ZNF395: variants seen among roughly 807,000 people sequenced by gnomAD.
The protein encoded by ZNF395 is zinc finger protein 395.
ZNF395 carries 20 observed loss-of-function variants against 57.7 expected under a neutral mutation model. The observed-to-expected ratio is 0.35, with a 90% CI of 0.24 to 0.50. ZNF395 has a LOEUF of 0.50. ZNF395 is among the 20% of genes least tolerant of loss of function. The pLI is 0.97. For missense variants in ZNF395, 606 were observed against 671.2 expected (o/e 0.90, Z 1.07); for synonymous variants, 295 against 275.9 (o/e 1.07, Z -0.69).
chr8:28,356,542 C>T lies in ZNF395; in HGVS notation c.583+128G>A. 1 of 633,194 alleles carries T rather than the reference C, an allele frequency of 1.6e-6. No homozygotes were observed. The highest frequency in any genetic ancestry group is 2.9e-5 in the East Asian group (1 of 34,770). 39.2% of individuals were successfully genotyped at this position (633,194 alleles called of 1,614,324 possible). On this transcript the variant is annotated intron_variant, in intron 4 of 9. Transcript: ENST00000344423. The surrounding 1 kb of genome is among the most constrained non-coding windows in gnomAD (Gnocchi z 4.0). ...CATGGCATGCAGCCGGTCAGAGGTG[C>T]CAGTGGGAGGTGTCCCTGGACATTC...
intron 1 of ZNF395, chr8:28,375,497 G>C (rs550526902): frequency 1.3e-5 from 2 of 152,318 alleles, no homozygotes; most frequent in Admixed American, 1.3e-4. Flanking sequence ...GTTGGGGGTG[G>C]GGCTTATCTG....
Position 28,351,652 on chromosome 8 carries a change from A to C in ZNF395, c.1076T>G (p.Met359Arg), listed in dbSNP as rs76040920. ...PTSEPAPTPS[M>R]TGLPLSALPP... Reference sequence around the variant, plus strand: ...AAGAGCAGACAGAGGCAGGCCAGTCATGCTGGGGGTGGGAGCTGGCTCGGA... The same window carrying C: ...AAGAGCAGACAGAGGCAGGCCAGTCCTGCTGGGGGTGGGAGCTGGCTCGGA... The change falls in exon 7 of 10, where the codon ATG becomes AGG. Residue 359 changes from methionine to arginine, a missense_variant. This residue lies in a region of ZNF395 where 261 missense variants were observed against 240.3 expected (regional missense o/e 1.09). Coordinates refer to ENST00000344423, the MANE Select transcript of ZNF395 (RefSeq NM_018660.3). The C allele has an allele frequency of 2.8e-5, 45 of 1,613,286 alleles. No homozygotes were observed. The African/African-American group carries it at 5.3e-4, about 19-fold the overall frequency.
intron 1 of ZNF395, among the ~76,000 whole-genome samples, chr8:28,381,256 T>C (rs1281168979): frequency 2.6e-5 from 4 of 152,080 alleles, no homozygotes; most frequent in Non-Finnish European, 5.9e-5. Flanking sequence ...TTAGCCAGGA[T>C]GGTCTCGATC....
intron 1 of ZNF395, among the ~76,000 whole-genome samples, chr8:28,381,058 T>TGTGTGTGTG (rs1563343859): frequency 1.5e-4 from 21 of 138,746 alleles, no homozygotes; most frequent in South Asian, 2.3e-4. Flanking sequence ...TGTGTGTGTG[T>TGTGTGTGTG]TTTGACGGAG....
At chr8:28,371,143 A>T (rs1426023000) in intron 1 of ZNF395, among the ~76,000 whole-genome samples, 3 of 152,216 alleles carry the variant, frequency 2.0e-5, no homozygotes, top group Non-Finnish European at 4.4e-5. Context: ...AAAATGACAG[A>T]ACTCAGAATG....
chr8:28,350,403 GT>G (rs1418169213), intron 7 of ZNF395, among the ~76,000 whole-genome samples: 1 of 152,158 alleles, frequency 6.6e-6, no homozygotes, highest in Non-Finnish European at 1.5e-5. Flanking sequence ...GCTGGTCTAC[GT>G]GCTAGCCTCA....
At chr8:28,360,244 A>G (rs1343154718) in intron 2 of ZNF395, among the ~76,000 whole-genome samples, 1 of 152,212 alleles carries the variant, frequency 6.6e-6, no homozygotes, top group Non-Finnish European at 1.5e-5. Flanking sequence ...AGACAGGCCA[A>G]CCTCTCAACA....
chr8:28,380,734 A>G (rs1273165046), intron 1 of ZNF395, among the ~76,000 whole-genome samples: 1 of 152,240 alleles, frequency 6.6e-6, no homozygotes, highest in Admixed American at 6.5e-5. Flanking sequence ...CCACCATATA[A>G]GACAGGAAAT....
In ZNF395 at chr8:28,346,748, T is replaced by A. The variant is rs1260975101; in HGVS notation, c.*1971A>T. ...CCCTCCTGAGCGAAGTTCCCATGTG[T>A]CAAGAACGTGCCCTCCCCTCCCCAT... On this transcript the variant is annotated 3_prime_UTR_variant, in exon 10 of 10. Transcript: ENST00000344423. 1 of 150,032 alleles carries A rather than the reference T, an allele frequency of 6.7e-6. No homozygotes were observed. The highest frequency in any genetic ancestry group is 1.5e-5 in the Non-Finnish European group (1 of 67,666). The allele number at this position is 150,032 out of a possible 1,614,324, so 9.3% of individuals were successfully genotyped here.
intron 1 of ZNF395, among the ~76,000 whole-genome samples, chr8:28,367,121 T>C (rs2129972063): frequency 6.6e-6 from 1 of 151,962 alleles, no homozygotes; most frequent in Non-Finnish European, 1.5e-5. Flanking sequence ...CTCAGGGCAT[T>C]CTAATTATTG....
chr8:28,370,238 G>A (rs769094559), intron 1 of ZNF395, among the ~76,000 whole-genome samples: 2 of 152,124 alleles, frequency 1.3e-5, no homozygotes, highest in Admixed American at 6.5e-5. Flanking sequence ...ACTGGAGGTT[G>A]AAGGAGACAC....
At chr8:28,365,855 G>C (rs953136913) in intron 1 of ZNF395, among the ~76,000 whole-genome samples, 1 of 152,218 alleles carries the variant, frequency 6.6e-6, no homozygotes, top group African/African-American at 2.4e-5. Flanking sequence ...AGGCAGAACA[G>C]TAAAACAAAC....
chr8:28,385,819 AGCCACCCCGCCC>A (rs982749317), intron 1 of ZNF395, among the ~76,000 whole-genome samples: 11 of 147,160 alleles, frequency 7.5e-5, no homozygotes, highest in Admixed American at 1.3e-4. Context: ...CGGGAGCGGC[AGCCACCCCGCCC>A]GCCACCCCGG....
intron 1 of ZNF395, among the ~76,000 whole-genome samples, chr8:28,372,764 C>A (rs755606462): frequency 2.0e-5 from 3 of 152,142 alleles, no homozygotes; most frequent in African/African-American, 7.2e-5. Context: ...CCAGCCTGAA[C>A]AACAGAGTGA....
chr8:28,376,661 A>G (rs925450498), intron 1 of ZNF395, among the ~76,000 whole-genome samples: 5 of 152,104 alleles, frequency 3.3e-5, no homozygotes, highest in Admixed American at 3.3e-4. Flanking sequence ...CTTTCCCCCA[A>G]ACCCACTATA....
intron 3 of ZNF395, among the ~76,000 whole-genome samples, chr8:28,357,643 C>T (rs1259570137): frequency 6.6e-6 from 1 of 152,202 alleles, no homozygotes; most frequent in Non-Finnish European, 1.5e-5. Context: ...ACTATTAAAA[C>T]GTGAAACACA....
intron 1 of ZNF395, among the ~76,000 whole-genome samples, chr8:28,379,651 ACT>A (rs764704303): frequency 1.3e-5 from 2 of 152,008 alleles, no homozygotes; most frequent in East Asian, 1.9e-4. Flanking sequence ...GGGGTCAAAG[ACT>A]CTGTCTTCCA....
intron 7 of ZNF395, among the ~76,000 whole-genome samples, chr8:28,350,922 G>T (rs971384963): frequency 6.6e-6 from 1 of 152,172 alleles, no homozygotes; most frequent in Non-Finnish European, 1.5e-5. Flanking sequence ...GGCAAAATAG[G>T]TTGGTCCCTC....
At chr8:28,355,991 T>C (rs1213558346) in intron 4 of ZNF395, among the ~76,000 whole-genome samples, 1 of 152,118 alleles carries the variant, frequency 6.6e-6, no homozygotes, top group Non-Finnish European at 1.5e-5. Flanking sequence ...TCCCTGGGAG[T>C]AGGGTAGGCC....
Sources: allele counts gnomAD v4.1 joint callset (sites outside exome capture counted in the v4.1 genomes callset), GRCh38; gene constraint gnomAD v4.1.1; regional missense constraint gnomAD v4.1.1; non-coding constraint Gnocchi (gnomAD v3.1); transcripts MANE v1.5; gene names NCBI Gene and HGNC (gene_info 2026-07-23, HGNC 2026-07-21).